The following DZIP1L variants were observed in gnomAD, a reference collection of about 807,000 sequenced individuals.
DZIP1L encodes cilium assembly protein DZIP1L.
DZIP1L carries 90 observed loss-of-function variants against 88.7 expected under a neutral mutation model. The ratio of observed to expected loss-of-function variants is 1.02; its 90% CI spans 0.86 to 1.21. The LOEUF (loss-of-function observed/expected upper bound fraction) is 1.21, where lower values mean the gene tolerates loss of function less well. Among genes scored for constraint, DZIP1L ranks in the 50% most tolerant of loss-of-function variants. The probability of loss-of-function intolerance (pLI) is 0.00; values close to 1 mark genes in which losing one functional copy is unlikely to be tolerated. For synonymous variants in DZIP1L, 363 were observed against 372.1 expected (o/e 0.98, Z 0.28); for missense variants, 932 against 955.8 (o/e 0.98, Z 0.33).
chr3:138,109,761 A>C (rs553814568), intron 1 of DZIP1L, among the ~76,000 whole-genome samples: 8 of 152,364 alleles, frequency 5.3e-5, no homozygotes, highest in Non-Finnish European at 1.2e-4. Context: ...CATATACACC[A>C]TGGAATACTC....
intron 12 of DZIP1L, among the ~76,000 whole-genome samples, chr3:138,068,623 T>G (rs11921619): frequency 6.6e-6 from 1 of 152,086 alleles, no homozygotes. Context: ...TTGTCATTAC[T>G]GAAGACCAGC....
In DZIP1L at chr3:138,081,646, T is replaced by A. The variant is rs957813866; in HGVS notation, c.1234+88A>T. 10 of 1,370,752 alleles carry A rather than the reference T, an allele frequency of 7.3e-6. No homozygotes were observed. The Admixed American group carries it at 8.0e-5, about 11-fold the overall frequency. 84.9% of individuals were successfully genotyped at this position (1,370,752 alleles called of 1,614,324 possible). On this transcript the variant is annotated intron_variant, in intron 9 of 15. Coordinates refer to ENST00000327532, the MANE Select transcript of DZIP1L (RefSeq NM_173543.3). ...GCTGCTGTCACCAATCCACCACCCA[T>A]GAATTGACTGGGGGAGAGGGAAAAG...
chr3:138,078,241 C>T (rs1393987179), intron 10 of DZIP1L, among the ~76,000 whole-genome samples: 3 of 152,222 alleles, frequency 2.0e-5, no homozygotes, highest in African/African-American at 7.2e-5. Context: ...AGGCCTCCTA[C>T]GGTGTTCTTC....
At position 138,067,584 on chromosome 3, in the gene DZIP1L, C is replaced by A. The variant is rs1225458100; in HGVS notation, c.1949G>T (p.Trp650Leu). ...CTCCTCCGAGGTCTCTGTGTCAGAC[C>A]AGTCCCAGTCATCCTTGGGCCGGGG... ...MVPRPKDDWD[W>L]SDTETSEENA... Residue 650 changes from tryptophan (W) to leucine (L), a missense_variant, in exon 14 of 16, where the codon TGG (tryptophan) becomes TTG (leucine). Transcript: ENST00000327532. 9.3e-6 allele frequency: 15 copies of A among 1,612,018 alleles called. No individual in the cohort carries two copies. Among genetic ancestry groups the A allele is most frequent in the Non-Finnish European group, 1.3e-5 (15 of 1,179,134 alleles).
At chr3:138,081,421 T>C (rs144812947) in intron 9 of DZIP1L, among the ~76,000 whole-genome samples, 378 of 152,250 alleles carry the variant, frequency 2.5e-3, no homozygotes, top group Middle Eastern at 0.024. Context: ...ATTTTACTCA[T>C]TCGCTGCAGG....
chr3:138,106,859 C>CA (rs199762632), intron 1 of DZIP1L, among the ~76,000 whole-genome samples: 5 of 80,732 alleles, frequency 6.2e-5, no homozygotes, highest in South Asian at 4.2e-4. Context: ...CTAGGTTGGC[C>CA]AAAAAAAAAA....
chr3:138,067,917 G>T (rs962664486), intron 13 of DZIP1L, among the ~76,000 whole-genome samples: 1 of 152,200 alleles, frequency 6.6e-6, no homozygotes, highest in African/African-American at 2.4e-5. Context: ...AGCCCCTCTG[G>T]AGGGGGAACG....
chr3:138,081,434 T>C (rs1245469254), intron 9 of DZIP1L, among the ~76,000 whole-genome samples: 2 of 152,104 alleles, frequency 1.3e-5, no homozygotes, highest in East Asian at 3.9e-4. Flanking sequence ...GCTGCAGGCA[T>C]GGTGAATTAG....
In DZIP1L at chr3:138,094,851, TCCCTGC is replaced by T; in HGVS notation, c.708+5_708+10del. On this transcript the variant is annotated splice_donor_5th_base_variant and intron_variant, in intron 4 of 15. Coordinates refer to ENST00000327532, the MANE Select transcript of DZIP1L (RefSeq NM_173543.3). The stretch of plus-strand genomic sequence containing the variant: ...ACCCAAGTCTCCCTGATGTTTTCTC[TCCCTGC>T]CCACCTGGAGCTGCCGCTGCCTCTC... The T allele has an allele frequency of 1.2e-6, 2 of 1,614,138 alleles. No homozygotes were observed. The highest frequency in any genetic ancestry group is 1.7e-6 in the Non-Finnish European group (2 of 1,180,000).
intron 2 of DZIP1L, chr3:138,101,462 G>A: frequency 2.7e-6 from 2 of 750,076 alleles, no homozygotes; most frequent in East Asian, 2.4e-5. Flanking sequence ...AGGCTGGGAG[G>A]GGCTGCCACA....
At chr3:138,112,227 T>G (rs2042630892) in intron 1 of DZIP1L, 1 of 152,176 alleles carries the variant, frequency 6.6e-6, no homozygotes. Flanking sequence ...CCCTGCTCAC[T>G]CAGCTACTAA....
chr3:138,066,943 T>C (rs1031240313), intron 14 of DZIP1L, among the ~76,000 whole-genome samples: 1 of 152,152 alleles, frequency 6.6e-6, no homozygotes, highest in Non-Finnish European at 1.5e-5. Flanking sequence ...CCCGCCCCTG[T>C]GGCTGGGGTT....
chr3:138,086,988 A>T lies in DZIP1L; in HGVS notation c.1035T>A (p.His345Gln). ...TEWKRKVKEL[H>Q]EEHMAEKKEL... ...CTTTCTTCTCAGCCATGTGCTCTTC[A>T]TGCAGTTCCTTCACTTTTCTTTTCC... The change falls in exon 7 of 16, where the codon CAT becomes CAA. Residue 345 changes from histidine to glutamine, a missense_variant. Physicochemically the swap from His to Gln is conservative, Grantham distance 24 (BLOSUM62 0). Transcript: ENST00000327532. 6.2e-7 allele frequency: 1 copy of T among 1,614,174 alleles called. No homozygotes were observed. Among genetic ancestry groups the T allele is most frequent in the Non-Finnish European group, 8.5e-7 (1 of 1,180,016 alleles).
At chr3:138,107,797 TCCCCA>T (rs2042538904) in intron 1 of DZIP1L, among the ~76,000 whole-genome samples, 1 of 152,082 alleles carries the variant, frequency 6.6e-6, no homozygotes, top group Admixed American at 6.6e-5. Context: ...ACACAGCTGC[TCCCCA>T]CCCTGGAGCT....
At chr3:138,105,611 GA>G (rs905902406) in intron 1 of DZIP1L, among the ~76,000 whole-genome samples, 15 of 151,316 alleles carry the variant, frequency 9.9e-5, no homozygotes, top group South Asian at 8.3e-4. Flanking sequence ...ATAATGACAA[GA>G]AAAAAACTCT....
intron 5 of DZIP1L, chr3:138,088,978 A>C: frequency 1.0e-6 from 1 of 985,568 alleles, no homozygotes; most frequent in Non-Finnish European, 1.2e-6. Flanking sequence ...ATCAATACCT[A>C]GTGATTCCTG....
intron 1 of DZIP1L, among the ~76,000 whole-genome samples, chr3:138,111,744 C>G (rs898026065): frequency 6.6e-6 from 1 of 152,126 alleles, no homozygotes; most frequent in Admixed American, 6.5e-5. Context: ...CCTGTAATCC[C>G]AGCACTTTGG....
At chr3:138,097,181 CAAAA>C (rs71304267) in intron 3 of DZIP1L, among the ~76,000 whole-genome samples, 2 of 103,386 alleles carry the variant, frequency 1.9e-5, no homozygotes, top group African/African-American at 3.8e-5. Context: ...GACCCTGTCT[CAAAA>C]AAAAAAAAAG....
intron 5 of DZIP1L, among the ~76,000 whole-genome samples, chr3:138,091,734 A>C (rs1242155296): frequency 1.3e-5 from 2 of 151,984 alleles, no homozygotes; most frequent in African/African-American, 4.8e-5. Flanking sequence ...GAAATAAAAT[A>C]GCTTTTTTAA....
Sources: allele counts gnomAD v4.1 joint callset (sites outside exome capture counted in the v4.1 genomes callset), GRCh38; gene constraint gnomAD v4.1.1; transcripts MANE v1.5; gene names NCBI Gene and HGNC (gene_info 2026-07-23, HGNC 2026-07-21).